Variants in DEPDC5 observed in about 807,000 individuals in gnomAD.
DEPDC5 encodes DEP domain containing 5, GATOR1 subcomplex subunit, also known as GATOR1 complex protein DEPDC5.
Under a neutral mutation model 217.3 loss-of-function variants are expected in DEPDC5, and 73 were observed. The observed-to-expected ratio is 0.34, with a 90% CI of 0.28 to 0.41. DEPDC5 has a LOEUF of 0.41. DEPDC5 is among the 10% of genes least tolerant of loss of function. The probability of loss-of-function intolerance (pLI) is 1.00; values close to 1 mark genes in which losing one functional copy is unlikely to be tolerated. For synonymous variants in DEPDC5, 733 were observed against 756.7 expected, an observed-to-expected ratio of 0.97 and a Z score of 0.51; for missense variants, 1,675 against 2,070.1, an observed-to-expected ratio of 0.81 and a Z score of 3.70.
At chr22:31,889,876 C>T (rs990841960) in intron 38 of DEPDC5, among the ~76,000 whole-genome samples, 3 of 152,094 alleles carry the variant, frequency 2.0e-5, no homozygotes, top group Non-Finnish European at 4.4e-5. Flanking sequence ...ATCAGGAATC[C>T]ATAACATGAA....
At chr22:31,867,290 G>GA (rs1425252083) in intron 33 of DEPDC5, among the ~76,000 whole-genome samples, 1 of 151,776 alleles carries the variant, frequency 6.6e-6, no homozygotes, top group Non-Finnish European at 1.5e-5. Flanking sequence ...TTCAGGTAAA[G>GA]AAAAAAAATA....
chr22:31,861,545 A>T, intron 33 of DEPDC5, 112 bp downstream of exon 33: 1 of 1,131,380 alleles, frequency 8.8e-7, no homozygotes, highest in Non-Finnish European at 1.3e-6. Context: ...TTTGGGGGGC[A>T]GTTGAACTTG....
intron 24 of DEPDC5, among the ~76,000 whole-genome samples, chr22:31,832,276 G>GT (rs1224905280): frequency 2.6e-5 from 4 of 152,158 alleles, no homozygotes; most frequent in Non-Finnish European, 5.9e-5. Flanking sequence ...ACGAACTTAA[G>GT]TTTTCATTTT....
At chr22:31,777,648 A>G (rs961242018) in intron 7 of DEPDC5, among the ~76,000 whole-genome samples, 2 of 152,102 alleles carry the variant, frequency 1.3e-5, no homozygotes, top group Non-Finnish European at 2.9e-5. Flanking sequence ...TTTATATTGG[A>G]TAATCTGTTC....
intron 26 of DEPDC5, chr22:31,837,374 A>G: frequency 8.5e-6 from 5 of 584,960 alleles, no homozygotes; most frequent in South Asian, 7.3e-5. Flanking sequence ...TAACTGAGAG[A>G]GGGTCTCACT....
chr22:31,815,207 C>A lies in DEPDC5; in HGVS notation c.1661C>A (p.Thr554Asn). 1 of 1,614,136 alleles carries A rather than the reference C, an allele frequency of 6.2e-7. No homozygotes were observed. Among genetic ancestry groups the A allele is most frequent in the Non-Finnish European group, 8.5e-7 (1 of 1,180,028 alleles). ...EVSSSLGYTS[T>N]RDVLENMMEP... is the part of the protein sequence containing the mutation. ...AGCAGCTCCTTGGGATACACCAGCA[C>A]TCGAGGTAAGAGTGCTGAAGCACAG... is the stretch of plus-strand genomic sequence containing the variant. The change falls in exon 21 of 43, where the codon ACT becomes AAT. Residue 554 changes from threonine (T) to asparagine (N), a missense_variant. By Grantham distance (65) the Thr-to-Asn change is moderately conservative. This residue lies in a region of DEPDC5 where 628 missense variants were observed against 762.1 expected (regional missense o/e 0.82). Transcript: ENST00000651528.
chr22:31,757,413 C>G (rs1289616807), intron 2 of DEPDC5: 1 of 152,180 alleles, frequency 6.6e-6, no homozygotes, highest in African/African-American at 2.4e-5. Flanking sequence ...CAGAGCAGGT[C>G]AAAACTCCTG....
chr22:31,897,214 G>A (rs545655640), intron 39 of DEPDC5, among the ~76,000 whole-genome samples: 9 of 152,278 alleles, frequency 5.9e-5, no homozygotes, highest in African/African-American at 1.4e-4. Context: ...TCTGCAGACC[G>A]TTCTTTCTAA....
In DEPDC5 at chr22:31,802,723, C is replaced by G. The variant is rs2087010607; in HGVS notation, c.966C>G (p.Ile322Met). The change falls in exon 15 of 43, where the codon ATC (isoleucine) becomes ATG (methionine). Residue 322 changes from isoleucine to methionine, a missense_variant. Transcript: ENST00000651528. ...TTCTAGTGTTTGATAAGCACTACAT[C>G]AACCGCAACTTTGACCGAACTGGGC... ...LSFNVFDKHY[I>M]NRNFDRTGQM... 2 of 1,586,802 alleles carry G rather than the reference C, an allele frequency of 1.3e-6. No individual in the cohort carries two copies. The highest frequency in any genetic ancestry group is 2.3e-5 in the South Asian group (2 of 86,678).
At chr22:31,785,580 C>T (rs1357982788) in intron 10 of DEPDC5, among the ~76,000 whole-genome samples, 2 of 132,074 alleles carry the variant, frequency 1.5e-5, no homozygotes, top group African/African-American at 5.2e-5. Flanking sequence ...TATCAAAATA[C>T]CAGTGCCTTT....
chr22:31,761,869 G>A (rs968057343), intron 4 of DEPDC5, among the ~76,000 whole-genome samples: 6 of 151,070 alleles, frequency 4.0e-5, no homozygotes, highest in Admixed American at 2.0e-4. Context: ...CCTGGAGGCC[G>A]AGGTAGGAGA....
chr22:31,903,677 C>T (rs1189702187), intron 41 of DEPDC5, among the ~76,000 whole-genome samples: 1 of 105,562 alleles, frequency 9.5e-6, no homozygotes, highest in Non-Finnish European at 2.0e-5. Context: ...CAACTAAACC[C>T]CTCCACCTTC....
chr22:31,775,409 A>G (rs2148284652), intron 7 of DEPDC5, among the ~76,000 whole-genome samples: 1 of 152,046 alleles, frequency 6.6e-6, no homozygotes, highest in East Asian at 1.9e-4. Flanking sequence ...CAAACTCCTG[A>G]CTTCATGATC....
In DEPDC5 at chr22:31,819,044, G is replaced by A. The variant is rs374633185; in HGVS notation, c.1689G>A (p.Glu563=). 1 of 1,614,156 alleles carries A rather than the reference G, an allele frequency of 6.2e-7. No individual in the cohort carries two copies. Among genetic ancestry groups the A allele is most frequent in the East Asian group, 2.2e-5 (1 of 44,884 alleles). Residue 563 remains glutamate (E), a synonymous_variant, in exon 22 of 43, where the codon GAG becomes GAA. Coordinates refer to ENST00000651528, the MANE Select transcript of DEPDC5 (RefSeq NM_001242896.3). ...STRDVLENMM[E]PPQRDSSAPG... is the part of the protein sequence containing the mutation. ...CAGATGTCCTGGAGAACATGATGGA[G>A]CCACCACAGCGAGACTCCAGTGCAC... is the stretch of plus-strand genomic sequence containing the variant.
At chr22:31,868,349 G>GCC (rs1476412256) in intron 33 of DEPDC5, among the ~76,000 whole-genome samples, 1 of 152,140 alleles carries the variant, frequency 6.6e-6, no homozygotes, top group Non-Finnish European at 1.5e-5. Flanking sequence ...GCACAGGACA[G>GCC]CCCCCCACAG....
At position 31,843,710 on chromosome 22, in the gene DEPDC5, A is replaced by G. The variant is rs755495732; in HGVS notation, c.2699A>G (p.Glu900Gly). 7 of 1,614,034 alleles carry G rather than the reference A, an allele frequency of 4.3e-6. No homozygotes were observed. Among genetic ancestry groups the G allele is most frequent in the African/African-American group, 1.3e-5 (1 of 75,026 alleles). ...CTCTGTCCTTCCCACTCAGACTCAG[A>G]GTTCGTCTCCTGCTGGGTGGAATTC... ...YSLCPSHSDS[E>G]FVSCWVEFSH... Residue 900 changes from glutamate (E) to glycine (G), a missense_variant, in exon 29 of 43, where the codon GAG becomes GGG. This residue lies in a region of DEPDC5 where 293 missense variants were observed against 386.1 expected (regional missense o/e 0.76). Coordinates refer to ENST00000651528, the MANE Select transcript of DEPDC5 (RefSeq NM_001242896.3).
chr22:31,866,222 G>T (rs1326164681), intron 33 of DEPDC5, among the ~76,000 whole-genome samples: 1 of 152,104 alleles, frequency 6.6e-6, no homozygotes, highest in African/African-American at 2.4e-5. Context: ...TTGGGGATTG[G>T]TGCTGCTGCT....
chr22:31,893,622 T>G lies in DEPDC5; in HGVS notation c.4074T>G (p.Val1358=). 1 of 1,613,216 alleles carries G rather than the reference T, an allele frequency of 6.2e-7. No homozygotes were observed. The highest frequency in any genetic ancestry group is 8.5e-7 in the Non-Finnish European group (1 of 1,179,640). Residue 1358 remains valine (V), a synonymous_variant, in exon 39 of 43, where the codon GTT becomes GTG. Transcript: ENST00000651528. ...VPEQRTVTLD[V]DVNNRTDRLE... is the part of the protein sequence containing the mutation. ...AGCAGAGGACTGTGACCCTGGATGT[T>G]GACGTGAACAACCGCACAGACCGGC...
chr22:31,821,372 T>A (rs1015237211), intron 22 of DEPDC5, 130 bp from the exon 23 acceptor site: 1 of 1,322,424 alleles, frequency 7.6e-7, no homozygotes, highest in African/African-American at 1.4e-5. Flanking sequence ...AGCCACCCTC[T>A]GTGGTGTGTT....
Sources: allele counts gnomAD v4.1 joint callset (sites outside exome capture counted in the v4.1 genomes callset), GRCh38; gene constraint gnomAD v4.1.1; regional missense constraint gnomAD v4.1.1; transcripts MANE v1.5; gene names NCBI Gene and HGNC (gene_info 2026-07-23, HGNC 2026-07-21).